Variants in VAV3 observed in about 807,000 individuals in gnomAD.
VAV3 encodes the protein guanine nucleotide exchange factor VAV3.
A neutral mutation model predicts 131.2 loss-of-function variants in VAV3; 94 were observed. The ratio of observed to expected loss-of-function variants is 0.72; its 90% CI spans 0.61 to 0.85. VAV3 has a LOEUF of 0.85. Among genes scored for constraint, VAV3 ranks in the 40% least tolerant of loss-of-function variants. The probability of loss-of-function intolerance (pLI) is 0.00; values close to 1 mark genes in which losing one functional copy is unlikely to be tolerated. For missense variants in VAV3, 939 were observed against 1,002.7 expected, an observed-to-expected ratio of 0.94 and a Z score of 0.86; for synonymous variants, 349 against 342.0, an observed-to-expected ratio of 1.02 and a Z score of -0.22.
intron 2 of VAV3, among the ~76,000 whole-genome samples, chr1:107,814,004 G>A (rs923367219): frequency 1.3e-5 from 2 of 150,074 alleles, no homozygotes; most frequent in African/African-American, 4.9e-5. Flanking sequence ...GTGTGTGTGT[G>A]TGTGTGTGTG....
chr1:107,913,121 TTA>T (rs1355461988), intron 1 of VAV3, among the ~76,000 whole-genome samples: 1 of 152,208 alleles, frequency 6.6e-6, no homozygotes, highest in African/African-American at 2.4e-5. Flanking sequence ...TGTCTTTTCT[TTA>T]TAGAGTCCAT....
intron 24 of VAV3, 133 bp downstream of exon 24, chr1:107,602,264 C>T (rs1054263857): frequency 7.2e-6 from 4 of 554,238 alleles, no homozygotes; most frequent in Non-Finnish European, 1.2e-5. Context: ...GATTTTGTTG[C>T]AAAATTAGAA....
At chr1:107,601,828 T>C (rs1267749627) in intron 24 of VAV3, among the ~76,000 whole-genome samples, 1 of 152,212 alleles carries the variant, frequency 6.6e-6, no homozygotes, top group Non-Finnish European at 1.5e-5. Flanking sequence ...TTTGACAATA[T>C]ACTATTTCCA....
intron 25 of VAV3, among the ~76,000 whole-genome samples, chr1:107,575,280 A>C (rs1649564639): frequency 6.6e-6 from 1 of 152,192 alleles, no homozygotes; most frequent in Admixed American, 6.5e-5. Flanking sequence ...AAGGAACTTA[A>C]GTGTAAGAAA....
chr1:107,900,984 A>G (rs924370253), intron 1 of VAV3, among the ~76,000 whole-genome samples: 1 of 152,244 alleles, frequency 6.6e-6, no homozygotes, highest in Non-Finnish European at 1.5e-5. Context: ...CTCAGTAATA[A>G]CTGTGTCACC....
chr1:107,775,534 T>G (rs1665305000), intron 4 of VAV3, among the ~76,000 whole-genome samples: 1 of 122,194 alleles, frequency 8.2e-6, no homozygotes, highest in Non-Finnish European at 1.6e-5. Flanking sequence ...GCTGAGATCG[T>G]GCCATCGCAC....
chr1:107,815,317 T>C (rs77085008), intron 2 of VAV3, among the ~76,000 whole-genome samples: 4,050 of 152,222 alleles, frequency 0.027, 82 homozygotes, highest in African/African-American at 0.056. Context: ...ACTTGGGAGT[T>C]AGTGAGGGGA....
At chr1:107,852,997 T>C (rs888101197) in intron 2 of VAV3, among the ~76,000 whole-genome samples, 1 of 149,342 alleles carries the variant, frequency 6.7e-6, no homozygotes, top group East Asian at 1.9e-4. Context: ...GGCTTGTAGG[T>C]TTTTTTTTTA....
intron 9 of VAV3, among the ~76,000 whole-genome samples, chr1:107,763,808 C>T (rs1446628953): frequency 6.6e-6 from 1 of 152,174 alleles, no homozygotes; most frequent in Non-Finnish European, 1.5e-5. Flanking sequence ...GCTATGAAAT[C>T]ATGCCAGAGA....
At chr1:107,757,728 G>A (rs1490446274) in intron 10 of VAV3, among the ~76,000 whole-genome samples, 1 of 152,136 alleles carries the variant, frequency 6.6e-6, no homozygotes, top group Admixed American at 6.5e-5. Context: ...TCTATTTGTT[G>A]TTGTTATTGC....
At chr1:107,710,706 G>A (rs1230314743) in intron 15 of VAV3, among the ~76,000 whole-genome samples, 1 of 152,008 alleles carries the variant, frequency 6.6e-6, no homozygotes, top group East Asian at 1.9e-4. Context: ...CCATAGCAAG[G>A]TTTTAAAATC....
chr1:107,880,211 C>G (rs747468633), intron 1 of VAV3, among the ~76,000 whole-genome samples: 3 of 152,178 alleles, frequency 2.0e-5, no homozygotes, highest in Admixed American at 1.3e-4. Flanking sequence ...ATAACTGATA[C>G]ATGAGGTAAG....
chr1:107,582,042 T>G (rs904399773), intron 25 of VAV3, among the ~76,000 whole-genome samples: 2 of 152,152 alleles, frequency 1.3e-5, no homozygotes, highest in South Asian at 2.1e-4. Flanking sequence ...TAACAAAAAG[T>G]TGTTAGTAAG....
intron 1 of VAV3, among the ~76,000 whole-genome samples, chr1:107,960,420 C>T (rs977494662): frequency 1.2e-4 from 18 of 151,468 alleles, no homozygotes; most frequent in African/African-American, 4.4e-4. Context: ...GAGCTGAGAT[C>T]AGGCCACTGC....
chr1:107,747,681 A>G (rs1663439071), intron 15 of VAV3, among the ~76,000 whole-genome samples: 2 of 152,166 alleles, frequency 1.3e-5, no homozygotes, highest in Non-Finnish European at 2.9e-5. Flanking sequence ...TTTGAAATAA[A>G]TATCATTCCT....
At chr1:107,631,313 T>A (rs573153258) in intron 20 of VAV3, among the ~76,000 whole-genome samples, 9 of 152,038 alleles carry the variant, frequency 5.9e-5, no homozygotes, top group Non-Finnish European at 1.0e-4. Context: ...AATGCAGGCA[T>A]AATACATGTT....
intron 19 of VAV3, among the ~76,000 whole-genome samples, chr1:107,661,368 C>T (rs1294380214): frequency 6.6e-6 from 1 of 152,144 alleles, no homozygotes; most frequent in Non-Finnish European, 1.5e-5. Flanking sequence ...CAGTGCAAGG[C>T]TATGCTTTCG....
chr1:107,666,425 G>A (rs1314416831), intron 19 of VAV3, among the ~76,000 whole-genome samples: 2 of 152,180 alleles, frequency 1.3e-5, no homozygotes, highest in Admixed American at 1.3e-4. Context: ...TGGGCTTTCA[G>A]GACTGTGATG....
rs56193625 is a variant in VAV3 at position 107,964,587 on chromosome 1, G to A, written c.204+79C>T. 0.05 allele frequency: 74,145 copies of A among 1,478,012 alleles called. 2,165 individuals are homozygous for A. Among genetic ancestry groups the A allele is most frequent in the Non-Finnish European group, 0.058 (63,534 of 1,086,150 alleles). 91.6% of individuals were successfully genotyped at this position (1,478,012 alleles called of 1,614,324 possible). A position where few individuals can be genotyped will look rare whatever the true frequency, so the allele number is the denominator to read the frequency against. On this transcript the variant is annotated intron_variant, in intron 1 of 26. Coordinates refer to ENST00000370056, the MANE Select transcript of VAV3 (RefSeq NM_006113.5). The stretch of plus-strand genomic sequence containing the variant: ...GCAAGCTCAGCGCACCTAGACGTTT[G>A]CATTTACACAAAGAAATTAGCCGCA...
Sources: gnomAD v4.1 joint callset for allele counts (sites outside exome capture counted in the v4.1 genomes callset) on GRCh38, gnomAD v4.1.1 for gene constraint, MANE v1.5 for transcripts, NCBI Gene and HGNC (gene_info 2026-07-23, HGNC 2026-07-21) for gene names.